DNLZ: variants seen among roughly 807,000 people sequenced by gnomAD.
The protein encoded by DNLZ is DNL-type zinc finger protein.
A neutral mutation model predicts 7.8 loss-of-function variants in DNLZ; 15 were observed. The ratio of observed to expected loss-of-function variants is 1.91; its 90% CI spans 1.28 to 2.95. DNLZ has a LOEUF of 2.95. Ranked by LOEUF, DNLZ falls within the 30% of genes most tolerant of loss-of-function variation. The pLI is 0.00. For synonymous variants in DNLZ, 123 were observed against 77.8 expected (o/e 1.58, Z -3.05); for missense variants, 255 against 167.3 (o/e 1.52, Z -2.89).
chr9:136,361,928 GA>G lies in DNLZ; in HGVS notation c.*83del. The G allele has an allele frequency of 1.9e-6, 2 of 1,063,788 alleles. No individual in the cohort carries two copies. The highest frequency in any genetic ancestry group is 1.2e-6 in the Non-Finnish European group (1 of 827,862). The allele number at this position is 1,063,788 out of a possible 1,614,324, so 65.9% of individuals were successfully genotyped here. ...TGGAAGTAATGTCTGTTTATTGATAGAAAACAGGCCACGTCCAGAGAGGCCC... is the reference window on the plus strand; with the variant it reads ...TGGAAGTAATGTCTGTTTATTGATAGAAACAGGCCACGTCCAGAGAGGCCC... On this transcript the variant is annotated 3_prime_UTR_variant, in exon 3 of 3. Transcript: ENST00000371738.
chr9:136,362,214 G>GC (rs746925949), intron 2 of DNLZ, 34 bp from the exon 3 acceptor site: 1 of 1,450,524 alleles, frequency 6.9e-7, no homozygotes, highest in Non-Finnish European at 9.1e-7. Context: ...GCTCTTCAGG[G>GC]CCCCCCAGCC....
At position 136,363,003 on chromosome 9, in the gene DNLZ, G is replaced by T; in HGVS notation, c.354C>A (p.Asp118Glu). Residue 118 changes from aspartate (D) to glutamate (E), a missense_variant, in exon 2 of 3, where the codon GAC (aspartate) becomes GAA (glutamate). Coordinates refer to ENST00000371738, the MANE Select transcript of DNLZ (RefSeq NM_001080849.3). ...IIADNLGWFSDLNGKRNIEEI... is the reference protein window; with the variant it reads ...IIADNLGWFSELNGKRNIEEI... ...ACAGGCCTCACCTCTTCCCATTCAG[G>T]TCCGAGAACCAGCCCAGGTTGTCAG... 6.2e-7 allele frequency: 1 copy of T among 1,613,734 alleles called. No homozygotes were observed. Among genetic ancestry groups the T allele is most frequent in the South Asian group, 1.1e-5 (1 of 91,086 alleles).
In DNLZ at chr9:136,360,915, C is replaced by G. The variant is rs1330411395; in HGVS notation, c.*1097G>C. The G allele has an allele frequency of 6.6e-6, 1 of 152,246 alleles. No individual in the cohort carries two copies. Among genetic ancestry groups the G allele is most frequent in the Non-Finnish European group, 1.5e-5 (1 of 68,080 alleles). 9.4% of individuals were successfully genotyped at this position (152,246 alleles called of 1,614,324 possible). On this transcript the variant is annotated 3_prime_UTR_variant, in exon 3 of 3. Coordinates refer to ENST00000371738, the MANE Select transcript of DNLZ (RefSeq NM_001080849.3). ...AGCCAAGCCCAGCCCCACTGCACTT[C>G]CAAGCCCCCAAGAGACCCCCAGCCA...
At chr9:136,363,282 TC>T in intron 1 of DNLZ, 154 bp from the exon 2 acceptor site, 3 of 701,998 alleles carry the variant, frequency 4.3e-6, no homozygotes, top group East Asian at 3.2e-5. Context: ...CCTCGCCCTC[TC>T]CCGGGAAGGC....
Position 136,363,102 on chromosome 9 carries a change from G to T in DNLZ, c.255C>A (p.Arg85=), listed in dbSNP as rs1195921142. The change falls in exon 2 of 3, where the codon CGC becomes CGA. Residue 85 remains arginine (R), a synonymous_variant. Transcript: ENST00000371738. The stretch of plus-strand genomic sequence containing the variant: ...CTTGGTGATAGGCCAGCTTGGAGAT[G>T]CGCTTGGAGGACCTAGTCCCGCAGA... ...CKVCGTRSSK[R]ISKLAYHQGV... is the part of the protein sequence containing the mutation. 2 of 1,613,524 alleles carry T rather than the reference G, an allele frequency of 1.2e-6. No homozygotes were observed. The highest frequency in any genetic ancestry group is 1.7e-6 in the Non-Finnish European group (2 of 1,179,984).
rs1427866433 is a variant in DNLZ, at chr9:136,360,721, G to C, written c.*1291C>G. 2.0e-5 allele frequency: 3 copies of C among 152,174 alleles called. No homozygotes were observed. Among genetic ancestry groups the C allele is most frequent in the Non-Finnish European group, 2.9e-5 (2 of 68,044 alleles). 9.4% of individuals were successfully genotyped at this position (152,174 alleles called of 1,614,324 possible). On this transcript the variant is annotated 3_prime_UTR_variant, in exon 3 of 3. Coordinates refer to ENST00000371738, the MANE Select transcript of DNLZ (RefSeq NM_001080849.3). ...AGAGGTGCTGGCATCAGACAGAAAA[G>C]ACATGGTAACGTCCACATCCCAACT...
rs1554774485 is a variant in DNLZ, at chr9:136,363,739, T to TGCCCCGGCCCCGGCCCC, written c.-26_-25insGGGGCCGGGGCCGGGGC. 2.1e-6 allele frequency: 1 copy of TGCCCCGGCCCCGGCCCC among 481,200 alleles called. No individual in the cohort carries two copies. Among genetic ancestry groups the TGCCCCGGCCCCGGCCCC allele is most frequent in the Non-Finnish European group, 3.6e-6 (1 of 278,472 alleles). The allele number at this position is 481,200 out of a possible 1,614,324, so 29.8% of individuals were successfully genotyped here. On this transcript the variant is annotated 5_prime_UTR_variant, in exon 1 of 3. Transcript: ENST00000371738. ...TCCCGCTCGCCGGCTCCGTCCGCCC[T>TGCCCCGGCCCCGGCCCC]GCCCCGGCCCCGCCCCGCCGCCATC...
rs1832944380 is a variant in DNLZ, at chr9:136,359,571, T to G, written c.*2441A>C. 6.6e-6 allele frequency: 1 copy of G among 152,364 alleles called. No homozygotes were observed. Among genetic ancestry groups the G allele is most frequent in the Non-Finnish European group, 1.5e-5 (1 of 68,058 alleles). The allele number at this position is 152,364 out of a possible 1,614,324, so 9.4% of individuals were successfully genotyped here. On this transcript the variant is annotated 3_prime_UTR_variant, in exon 3 of 3. Coordinates refer to ENST00000371738, the MANE Select transcript of DNLZ (RefSeq NM_001080849.3). ...CCAAGAGGTACATTTGTTTTTCTGT[T>G]TTTCCTGAAAAATAAAGTCGGCCAA...
In DNLZ at chr9:136,360,732, G is replaced by C. The variant is rs375910201; in HGVS notation, c.*1280C>G. 2.6e-5 allele frequency: 4 copies of C among 152,176 alleles called. No homozygotes were observed. The highest frequency in any genetic ancestry group is 4.4e-5 in the Non-Finnish European group (3 of 68,038). 9.4% of individuals were successfully genotyped at this position (152,176 alleles called of 1,614,324 possible). ...CATCAGACAGAAAAGACATGGTAAC[G>C]TCCACATCCCAACTACCAGCCGCCA... is the stretch of plus-strand genomic sequence containing the variant. On this transcript the variant is annotated 3_prime_UTR_variant, in exon 3 of 3. Coordinates refer to ENST00000371738, the MANE Select transcript of DNLZ (RefSeq NM_001080849.3).
At chr9:136,362,922 G>T (rs1169410641) in intron 2 of DNLZ, 67 bp downstream of exon 2, 6 of 1,512,664 alleles carry the variant, frequency 4.0e-6, no homozygotes, top group Admixed American at 1.7e-5. Flanking sequence ...CTAGGGCAAG[G>T]TTCCCCCAGG....
Position 136,361,097 on chromosome 9 carries a change from C to T in DNLZ, c.*915G>A, listed in dbSNP as rs1250891745. 1 of 152,290 alleles carries T rather than the reference C, an allele frequency of 6.6e-6. No individual in the cohort carries two copies. Among genetic ancestry groups the T allele is most frequent in the Non-Finnish European group, 1.5e-5 (1 of 68,100 alleles). 9.4% of individuals were successfully genotyped at this position (152,290 alleles called of 1,614,324 possible). ...CGAGGCAAAGCCCACGCCACAAGCA[C>T]ACTGGGAACGATGCCGCCGCGCCCC... On this transcript the variant is annotated 3_prime_UTR_variant, in exon 3 of 3. Coordinates refer to ENST00000371738, the MANE Select transcript of DNLZ (RefSeq NM_001080849.3).
At position 136,363,725 on chromosome 9, in the gene DNLZ, G is replaced by T; in HGVS notation, c.-11C>A. The stretch of plus-strand genomic sequence containing the variant: ...CGCAGTCCGCAGCATCCCGCTCGCC[G>T]GCTCCGTCCGCCCTGCCCCGGCCCC... On this transcript the variant is annotated 5_prime_UTR_variant, in exon 1 of 3. Coordinates refer to ENST00000371738, the MANE Select transcript of DNLZ (RefSeq NM_001080849.3). 2.5e-6 allele frequency: 1 copy of T among 403,370 alleles called. No homozygotes were observed. Among genetic ancestry groups the T allele is most frequent in the Admixed American group, 4.9e-5 (1 of 20,270 alleles). 25.0% of individuals were successfully genotyped at this position (403,370 alleles called of 1,614,324 possible).
In DNLZ at chr9:136,362,138, G is replaced by A; in HGVS notation, c.411C>T (p.His137=). 6.6e-7 allele frequency: 1 copy of A among 1,504,642 alleles called. No individual in the cohort carries two copies. The highest frequency in any genetic ancestry group is 8.8e-7 in the Non-Finnish European group (1 of 1,131,194). The allele number at this position is 1,504,642 out of a possible 1,614,324, so 93.2% of individuals were successfully genotyped here. ...EILTARGEQV[H]RVAGEGALEL... is the part of the protein sequence containing the mutation. ...CCAGGGCCCCCTCGCCCGCCACACGGTGCACCTGCTCGCCTCTGGCCGTCA... is the reference window on the plus strand; with the variant it reads ...CCAGGGCCCCCTCGCCCGCCACACGATGCACCTGCTCGCCTCTGGCCGTCA... The change falls in exon 3 of 3, where the codon CAC becomes CAT. Residue 137 remains histidine, a synonymous_variant. Transcript: ENST00000371738.
chr9:136,362,009 G>C lies in DNLZ; in HGVS notation c.*3C>G. 7.7e-7 allele frequency: 1 copy of C among 1,305,212 alleles called. No homozygotes were observed. The highest frequency in any genetic ancestry group is 9.8e-7 in the Non-Finnish European group (1 of 1,017,930). 80.9% of individuals were successfully genotyped at this position (1,305,212 alleles called of 1,614,324 possible). On this transcript the variant is annotated 3_prime_UTR_variant, in exon 3 of 3. Transcript: ENST00000371738. ...AGTCCCACAGTGCCGGGGAGCGCAG[G>C]AGTCAGCTCGGCTCCGTCTTGCCAG...
rs141967435 is a variant in DNLZ at position 136,362,168 on chromosome 9, C to T, written c.381G>A (p.Glu127=). The T allele has an allele frequency of 3.7e-5, 56 of 1,494,230 alleles. No individual in the cohort carries two copies. In the African/African-American group the frequency reaches 7.6e-4, roughly 20 times the overall value. 92.6% of individuals were successfully genotyped at this position (1,494,230 alleles called of 1,614,324 possible). ...SDLNGKRNIE[E]ILTARGEQVH... ...CCTGCTCGCCTCTGGCCGTCAGGAT[C>T]TCTTCGATATTTCTGGGGGGCAGGG... The change falls in exon 3 of 3, where the codon GAG becomes GAA. Residue 127 remains glutamate (E), a synonymous_variant. Coordinates refer to ENST00000371738, the MANE Select transcript of DNLZ (RefSeq NM_001080849.3).
rs555397724 is a variant in DNLZ at position 136,361,420 on chromosome 9, T to C, written c.*592A>G. On this transcript the variant is annotated 3_prime_UTR_variant, in exon 3 of 3. Coordinates refer to ENST00000371738, the MANE Select transcript of DNLZ (RefSeq NM_001080849.3). The stretch of plus-strand genomic sequence containing the variant: ...GGCCCTGGGGACGTCCAGAGCGCTG[T>C]CCACCGAGGGAAGGAGGCCCAGGTG... The C allele has an allele frequency of 6.6e-6, 1 of 152,406 alleles. No individual in the cohort carries two copies. Among genetic ancestry groups the C allele is most frequent in the East Asian group, 1.9e-4 (1 of 5,188 alleles). 9.4% of individuals were successfully genotyped at this position (152,406 alleles called of 1,614,324 possible).
rs116783304 is a variant in DNLZ at position 136,360,392 on chromosome 9, C to T, written c.*1620G>A. ...CTGGGACAGCCTCTGAAGGTGCGGC[C>T]GAGGAACCTGCTTGGAGAGACGCTG... is the stretch of plus-strand genomic sequence containing the variant. On this transcript the variant is annotated 3_prime_UTR_variant, in exon 3 of 3. Coordinates refer to ENST00000371738, the MANE Select transcript of DNLZ (RefSeq NM_001080849.3). The T allele has an allele frequency of 0.023, 3,432 of 152,352 alleles. 58 individuals are homozygous for T. The highest frequency in any genetic ancestry group is 0.088 in the Middle Eastern group (26 of 294). 9.4% of individuals were successfully genotyped at this position (152,352 alleles called of 1,614,324 possible).
rs913151593 is a variant in DNLZ at position 136,361,690 on chromosome 9, G to A, written c.*322C>T. ...GGTGACCTGCTCAAAGTCACGCAGC[G>A]ACAGCCAGGAAGGGCTCTGACGCCA... On this transcript the variant is annotated 3_prime_UTR_variant, in exon 3 of 3. Coordinates refer to ENST00000371738, the MANE Select transcript of DNLZ (RefSeq NM_001080849.3). 1.8e-5 allele frequency: 5 copies of A among 276,688 alleles called. No individual in the cohort carries two copies. Among genetic ancestry groups the A allele is most frequent in the African/African-American group, 4.4e-5 (2 of 45,932 alleles). The allele number at this position is 276,688 out of a possible 1,614,324, so 17.1% of individuals were successfully genotyped here. A position where few individuals can be genotyped will look rare whatever the true frequency, so the allele number is the denominator to read the frequency against.
Position 136,361,940 on chromosome 9 carries a change from C to T in DNLZ, c.*72G>A, listed in dbSNP as rs371364979. On this transcript the variant is annotated 3_prime_UTR_variant, in exon 3 of 3. Coordinates refer to ENST00000371738, the MANE Select transcript of DNLZ (RefSeq NM_001080849.3). ...CTGTTTATTGATAGAAAACAGGCCA[C>T]GTCCAGAGAGGCCCAGGGCCAAAAC... 61 of 1,134,700 alleles carry T rather than the reference C, an allele frequency of 5.4e-5. No homozygotes were observed. The highest frequency in any genetic ancestry group is 6.6e-4 in the Middle Eastern group (2 of 3,050). 70.3% of individuals were successfully genotyped at this position (1,134,700 alleles called of 1,614,324 possible). A position where few individuals can be genotyped will look rare whatever the true frequency, so the allele number is the denominator to read the frequency against.
Sources: allele counts gnomAD v4.1 joint callset, GRCh38; gene constraint gnomAD v4.1.1; transcripts MANE v1.5; gene names NCBI Gene and HGNC (gene_info 2026-07-23, HGNC 2026-07-21).